FER: variants seen among roughly 807,000 people sequenced by gnomAD.
The protein encoded by FER is FER tyrosine kinase, also known as tyrosine-protein kinase Fer.
A neutral mutation model predicts 111.0 loss-of-function variants in FER; 63 were observed. The observed-to-expected ratio is 0.57, with a 90% confidence interval of 0.46 to 0.70. The LOEUF (loss-of-function observed/expected upper bound fraction) is 0.70. FER is among the 30% of genes least tolerant of loss of function. The pLI is 0.00. For synonymous variants in FER, 327 were observed against 313.9 expected, an observed-to-expected ratio of 1.04 and a Z score of -0.44; for missense variants, 914 against 954.0, an observed-to-expected ratio of 0.96 and a Z score of 0.55.
chr5:108,750,008 A>T (rs1415727865), intron 1 of FER, among the ~76,000 whole-genome samples: 2 of 152,166 alleles, frequency 1.3e-5, no homozygotes, highest in Admixed American at 6.5e-5. Flanking sequence ...CCTTATGGTT[A>T]AAAAAAGAGC....
At chr5:108,924,888 G>T in intron 10 of FER, 1 of 936,388 alleles carries the variant, frequency 1.1e-6, no homozygotes, top group Non-Finnish European at 1.4e-6. Flanking sequence ...CTTCAAATGG[G>T]AAGGATAATT....
chr5:109,136,345 G>A (rs1225078909), intron 17 of FER, among the ~76,000 whole-genome samples: 1 of 151,896 alleles, frequency 6.6e-6, no homozygotes, highest in Non-Finnish European at 1.5e-5. Context: ...TTGAACAGGA[G>A]ATAACTTAAA....
Position 109,187,643 on chromosome 5 carries a change from T to C in FER, c.*68T>C. 6.4e-7 allele frequency: 1 copy of C among 1,552,766 alleles called. No homozygotes were observed. The highest frequency in any genetic ancestry group is 8.8e-7 in the Non-Finnish European group (1 of 1,135,058). The stretch of plus-strand genomic sequence containing the variant: ...CAGCAGAGTAACATTATTGTTCTCA[T>C]TAACAATGAATTTATACCACATTAC... On this transcript the variant is annotated 3_prime_UTR_variant, in exon 20 of 20. Coordinates refer to ENST00000281092, the MANE Select transcript of FER (RefSeq NM_005246.4).
intron 10 of FER, among the ~76,000 whole-genome samples, chr5:108,898,186 G>A (rs1749428776): frequency 6.6e-6 from 1 of 151,992 alleles, no homozygotes; most frequent in Non-Finnish European, 1.5e-5. Flanking sequence ...GCTATTTATT[G>A]ATTTTTTTCT....
intron 16 of FER, among the ~76,000 whole-genome samples, chr5:109,084,093 T>C (rs754513519): frequency 6.6e-6 from 1 of 152,050 alleles, no homozygotes; most frequent in Non-Finnish European, 1.5e-5. Flanking sequence ...TCCAGCCTGA[T>C]TGAGAAATAG....
Position 109,045,130 on chromosome 5 carries a change from A to G in FER, c.1829+335A>G, listed in dbSNP as rs536185032. Among the ~76,000 whole-genome samples, 52 of 152,100 alleles carry G rather than the reference A, an allele frequency of 3.4e-4. 1 individual carries two copies. In the South Asian group the frequency reaches 1.0e-2, roughly 29 times the overall value. ...TATACATATACTGTACAGCTCACAT[A>G]TACATTTAAGTAGATAATTACATCT... On this transcript the variant is annotated intron_variant, in intron 15 of 19. Transcript: ENST00000281092.
At chr5:109,179,901 C>T (rs1351531497) in intron 17 of FER, among the ~76,000 whole-genome samples, 7 of 152,076 alleles carry the variant, frequency 4.6e-5, no homozygotes, top group African/African-American at 1.7e-4. Flanking sequence ...AATGTCCTCC[C>T]CACCAGAAAT....
At chr5:109,131,989 C>T (rs1165834349) in intron 17 of FER, among the ~76,000 whole-genome samples, 1 of 152,120 alleles carries the variant, frequency 6.6e-6, no homozygotes, top group African/African-American at 2.4e-5. Context: ...TTACCCATCT[C>T]ATAAAGTTGT....
intron 3 of FER, among the ~76,000 whole-genome samples, chr5:108,821,860 A>T (rs878875622): frequency 1.3e-5 from 2 of 152,126 alleles, no homozygotes; most frequent in Admixed American, 1.3e-4. Flanking sequence ...CATGAGGAGA[A>T]CACTTAAGAT....
At chr5:109,186,728 G>A (rs1274646447) in intron 19 of FER, among the ~76,000 whole-genome samples, 1 of 152,210 alleles carries the variant, frequency 6.6e-6, no homozygotes. Context: ...TAGCACTTCT[G>A]AAGAAACCCT....
intron 2 of FER, among the ~76,000 whole-genome samples, chr5:108,772,368 T>C (rs1319900673): frequency 1.0e-5 from 1 of 99,954 alleles, no homozygotes; most frequent in Non-Finnish European, 2.2e-5. Flanking sequence ...GTTGTTGTTA[T>C]AGGATTCAAG....
intron 1 of FER, among the ~76,000 whole-genome samples, chr5:108,752,749 A>G (rs1750639631): frequency 2.0e-5 from 3 of 152,062 alleles, no homozygotes; most frequent in East Asian, 3.8e-4. Context: ...AGGATATTAC[A>G]TAATTCAGCT....
At chr5:108,962,225 G>T (rs1759240902) in intron 13 of FER, among the ~76,000 whole-genome samples, 1 of 152,174 alleles carries the variant, frequency 6.6e-6, no homozygotes, top group African/African-American at 2.4e-5. Flanking sequence ...ACTGCCTTCA[G>T]AGCTTGTGTA....
At chr5:108,993,313 G>A (rs1303347731) in intron 13 of FER, among the ~76,000 whole-genome samples, 2 of 152,246 alleles carry the variant, frequency 1.3e-5, no homozygotes, top group African/African-American at 4.8e-5. Context: ...GAGGCTGGCG[G>A]ATCACTCGCG....
chr5:108,975,167 C>A (rs1157761264), intron 13 of FER, among the ~76,000 whole-genome samples: 4 of 152,118 alleles, frequency 2.6e-5, no homozygotes, highest in African/African-American at 9.7e-5. Flanking sequence ...AAACCAAACA[C>A]TGCATGTTCT....
chr5:108,767,173 G>A (rs544414447), intron 1 of FER, among the ~76,000 whole-genome samples: 1 of 152,174 alleles, frequency 6.6e-6, no homozygotes, highest in African/African-American at 2.4e-5. Flanking sequence ...GCGTGGTGGT[G>A]CATGCCTGTA....
At chr5:108,843,291 T>C (rs543878527) in intron 5 of FER, among the ~76,000 whole-genome samples, 117 of 152,218 alleles carry the variant, frequency 7.7e-4, no homozygotes, top group Admixed American at 1.2e-3. Flanking sequence ...TATCTATCTA[T>C]GGAAAACAAA....
chr5:108,852,632 A>G (rs1231330764), intron 5 of FER, among the ~76,000 whole-genome samples: 1 of 152,166 alleles, frequency 6.6e-6, no homozygotes, highest in Non-Finnish European at 1.5e-5. Flanking sequence ...AGTTCAAGCT[A>G]CAGTTGTTGG....
In FER at chr5:108,886,387, T is replaced by C. The variant is rs190456120; in HGVS notation, c.1046+2869T>C. ...ACTTTGTGTCACATATTATGCTGGG[T>C]ATTTATATATATATATTATAACATA... On this transcript the variant is annotated intron_variant, in intron 9 of 19. Coordinates refer to ENST00000281092, the MANE Select transcript of FER (RefSeq NM_005246.4). Among the ~76,000 whole-genome samples, 456 of 148,790 alleles carry C rather than the reference T, an allele frequency of 3.1e-3. 2 individuals carry two copies. The highest frequency in any genetic ancestry group is 0.011 in the African/African-American group (432 of 40,960).
Sources: allele counts gnomAD v4.1 joint callset (sites outside exome capture counted in the v4.1 genomes callset), GRCh38; gene constraint gnomAD v4.1.1; transcripts MANE v1.5; gene names NCBI Gene and HGNC (gene_info 2026-07-23, HGNC 2026-07-21).